ATRNL1: variants seen among roughly 807,000 people sequenced by gnomAD.
ATRNL1 encodes the protein attractin-like protein 1.
In ATRNL1, 95 loss-of-function variants were observed where a neutral mutation model predicts 182.7. The observed-to-expected ratio is 0.52, with a 90% CI of 0.44 to 0.62. The LOEUF (loss-of-function observed/expected upper bound fraction) is 0.62. ATRNL1 is among the 20% of genes least tolerant of loss of function. The probability of loss-of-function intolerance (pLI) is 0.00; values close to 1 mark genes in which losing one functional copy is unlikely to be tolerated. For missense variants in ATRNL1, 1,471 were observed against 1,679.5 expected, an observed-to-expected ratio of 0.88 and a Z score of 2.17; for synonymous variants, 576 against 568.3, an observed-to-expected ratio of 1.01 and a Z score of -0.19.
chr10:115,768,033 C>T (rs1417807383), intron 27 of ATRNL1, among the ~76,000 whole-genome samples: 1 of 152,110 alleles, frequency 6.6e-6, no homozygotes, highest in Non-Finnish European at 1.5e-5. Context: ...ATGTTAAAGA[C>T]ATCAATATAC....
chr10:115,273,667 G>T (rs1851972893), intron 13 of ATRNL1, among the ~76,000 whole-genome samples: 1 of 152,112 alleles, frequency 6.6e-6, no homozygotes, highest in Non-Finnish European at 1.5e-5. Flanking sequence ...TCCTTTTTTG[G>T]GTGGTACCTG....
At chr10:115,155,384 C>G (rs782273314) in intron 5 of ATRNL1, among the ~76,000 whole-genome samples, 16 of 151,882 alleles carry the variant, frequency 1.1e-4, no homozygotes, top group Admixed American at 1.3e-4. Flanking sequence ...TTAATAATAA[C>G]AAAGTTACTA....
rs547321999 is a variant in ATRNL1 at position 115,531,535 on chromosome 10, G to C, written c.3716+12211G>C. On this transcript the variant is annotated intron_variant, in intron 25 of 28. Transcript: ENST00000355044. Reference sequence around the variant, plus strand: ...TGTAGATTCTGGATATTAGTCCTTTGTCAGATGAGTAGGTTGTGAAAATTT... The same window carrying C: ...TGTAGATTCTGGATATTAGTCCTTTCTCAGATGAGTAGGTTGTGAAAATTT... Among the ~76,000 whole-genome samples the C allele has an allele frequency of 9.9e-4, 150 of 150,804 alleles. 2 individuals carry two copies. In the South Asian group the frequency reaches 0.03, roughly 30 times the overall value.
chr10:115,496,035 AGTT>A (rs1849534465), intron 24 of ATRNL1, among the ~76,000 whole-genome samples: 1 of 152,034 alleles, frequency 6.6e-6, no homozygotes. Context: ...TAGGATAGTT[AGTT>A]GTTCTTTAAT....
chr10:115,150,522 A>G (rs1389407306), intron 5 of ATRNL1, among the ~76,000 whole-genome samples: 3 of 151,636 alleles, frequency 2.0e-5, no homozygotes, highest in African/African-American at 7.3e-5. Context: ...AGCTTTTAGT[A>G]TGTTATGTTT....
At chr10:115,293,191 T>A (rs1465500567) in intron 15 of ATRNL1, among the ~76,000 whole-genome samples, 1 of 152,132 alleles carries the variant, frequency 6.6e-6, no homozygotes, top group Non-Finnish European at 1.5e-5. Context: ...TTTTGCTTTC[T>A]GTTTGCATGG....
chr10:115,667,317 A>G (rs1156264292), intron 26 of ATRNL1, among the ~76,000 whole-genome samples: 2 of 152,176 alleles, frequency 1.3e-5, no homozygotes, highest in Non-Finnish European at 2.9e-5. Flanking sequence ...CTCAAAATTT[A>G]ATGACTTAAA....
chr10:115,842,609 G>T (rs533946970), intron 27 of ATRNL1, among the ~76,000 whole-genome samples: 1 of 152,144 alleles, frequency 6.6e-6, no homozygotes, highest in East Asian at 1.9e-4. Context: ...TATATGTTCT[G>T]ATCACTAGTC....
intron 26 of ATRNL1, among the ~76,000 whole-genome samples, chr10:115,681,088 C>T (rs1413290865): frequency 2.6e-5 from 4 of 152,030 alleles, no homozygotes; most frequent in Non-Finnish European, 5.9e-5. Flanking sequence ...GTACCTCTTT[C>T]CAGACATGTG....
At chr10:115,301,177 A>G (rs538669237) in intron 16 of ATRNL1, among the ~76,000 whole-genome samples, 8 of 152,228 alleles carry the variant, frequency 5.3e-5, no homozygotes, top group Admixed American at 5.2e-4. Context: ...CCTTTTTGCT[A>G]TTGTGAGTAA....
At chr10:115,258,281 T>A (rs1052756463) in intron 10 of ATRNL1, among the ~76,000 whole-genome samples, 4 of 151,168 alleles carry the variant, frequency 2.6e-5, no homozygotes, top group Non-Finnish European at 5.9e-5. Context: ...TTTCACATAG[T>A]CCCATATTTC....
At chr10:115,402,427 C>T (rs1293035736) in intron 20 of ATRNL1, among the ~76,000 whole-genome samples, 5 of 152,100 alleles carry the variant, frequency 3.3e-5, no homozygotes, top group African/African-American at 9.7e-5. Flanking sequence ...TGAATTGTTA[C>T]TCACAAATTT....
chr10:115,439,224 T>C (rs1846547851), intron 21 of ATRNL1, among the ~76,000 whole-genome samples: 1 of 151,866 alleles, frequency 6.6e-6, no homozygotes. Context: ...GGGTTGGTCT[T>C]CCTGTCTCAG....
chr10:115,204,631 A>G (rs1848728011), intron 8 of ATRNL1, among the ~76,000 whole-genome samples: 1 of 152,068 alleles, frequency 6.6e-6, no homozygotes, highest in Non-Finnish European at 1.5e-5. Context: ...TCTTTGGGAT[A>G]TATCCCATTT....
At chr10:115,312,238 A>G (rs567716456) in intron 17 of ATRNL1, among the ~76,000 whole-genome samples, 83 of 152,114 alleles carry the variant, frequency 5.5e-4, no homozygotes, top group Non-Finnish European at 9.4e-4. Context: ...CTATTCTGGT[A>G]CATATTGACC....
At chr10:115,451,208 T>TGGCA (rs1718849143) in intron 21 of ATRNL1, among the ~76,000 whole-genome samples, 1 of 152,114 alleles carries the variant, frequency 6.6e-6, no homozygotes, top group South Asian at 2.1e-4. Context: ...ACAAAGGAAC[T>TGGCA]GGCAAAGATT....
chr10:115,271,689 C>A (rs1554913148), intron 13 of ATRNL1, among the ~76,000 whole-genome samples: 1 of 152,166 alleles, frequency 6.6e-6, no homozygotes, highest in Non-Finnish European at 1.5e-5. Flanking sequence ...CCTTTACCTT[C>A]AGCAAGCACC....
intron 26 of ATRNL1, among the ~76,000 whole-genome samples, chr10:115,561,571 A>T (rs1853710189): frequency 6.6e-6 from 1 of 152,096 alleles, no homozygotes; most frequent in Non-Finnish European, 1.5e-5. Flanking sequence ...ATATGCCACT[A>T]TGACACCATT....
At chr10:115,658,090 C>CT (rs71010038) in intron 26 of ATRNL1, among the ~76,000 whole-genome samples, 2,849 of 90,352 alleles carry the variant, frequency 0.032, 12 homozygotes, top group Non-Finnish European at 0.036. Context: ...AATTTTTTTC[C>CT]TTTTTTTTTT....
Sources: allele counts gnomAD v4.1 joint callset (sites outside exome capture counted in the v4.1 genomes callset), GRCh38; gene constraint gnomAD v4.1.1; transcripts MANE v1.5; gene names NCBI Gene and HGNC (gene_info 2026-07-23, HGNC 2026-07-21).